Variants in ISM2 observed in about 807,000 individuals in gnomAD.
ISM2 encodes the protein isthmin-2.
In ISM2, 50 loss-of-function variants were observed where a neutral mutation model predicts 58.0. The ratio of observed to expected loss-of-function variants is 0.86; its 90% CI spans 0.69 to 1.09. ISM2 has a LOEUF of 1.09. Ranked by LOEUF, ISM2 falls within the 50% of genes least tolerant of loss-of-function variation. The pLI, the probability that ISM2 is intolerant of heterozygous loss-of-function variation, is 0.00. For synonymous variants in ISM2, 303 were observed against 312.4 expected (o/e 0.97, Z 0.32); for missense variants, 723 against 745.0 (o/e 0.97, Z 0.34).
At chr14:77,498,488 G>A (rs2079262291) in intron 1 of ISM2, 165 bp downstream of exon 1, 1 of 1,212,260 alleles carries the variant, frequency 8.2e-7, no homozygotes, top group East Asian at 2.7e-5. Context: ...GCGCACCTGG[G>A]CAACGCCCGG....
At chr14:77,487,774 G>A (rs1006233273) in intron 1 of ISM2, among the ~76,000 whole-genome samples, 1 of 152,178 alleles carries the variant, frequency 6.6e-6, no homozygotes, top group African/African-American at 2.4e-5. Context: ...AGAGGGTAGG[G>A]GAGCGAGACA....
At chr14:77,493,652 G>T (rs779374539) in intron 1 of ISM2, among the ~76,000 whole-genome samples, 21 of 151,604 alleles carry the variant, frequency 1.4e-4, no homozygotes, top group Non-Finnish European at 2.9e-4. Context: ...AGTGGAGATG[G>T]GGTGTCTCCA....
At chr14:77,483,076 C>T (rs1033684983) in intron 3 of ISM2, among the ~76,000 whole-genome samples, 2 of 152,208 alleles carry the variant, frequency 1.3e-5, no homozygotes, top group Non-Finnish European at 2.9e-5. Context: ...GGGCTGGAAG[C>T]TGAGTGCTCC....
chr14:77,495,066 G>T (rs546414819), intron 1 of ISM2, among the ~76,000 whole-genome samples: 55 of 151,806 alleles, frequency 3.6e-4, no homozygotes, highest in Non-Finnish European at 7.7e-4. Flanking sequence ...TGTATTTTTT[G>T]GGGGGTAGAG....
rs1458962824 is a variant in ISM2 at position 77,498,636 on chromosome 14, G to A, written c.141+17C>T. ...GACCGACAGCGCGCTCCGCAGCCCG[G>A]TGCCGCCGCCACTCACCTCTGCGAG... On this transcript the variant is annotated intron_variant, in intron 1 of 6. Coordinates refer to ENST00000342219, the MANE Select transcript of ISM2 (RefSeq NM_199296.3). The A allele has an allele frequency of 1.4e-6, 2 of 1,441,470 alleles. No individual in the cohort carries two copies. The highest frequency in any genetic ancestry group is 1.5e-5 in the African/African-American group (1 of 67,008). The allele number at this position is 1,441,470 out of a possible 1,614,324, so 89.3% of individuals were successfully genotyped here. A position where few individuals can be genotyped will look rare whatever the true frequency, so the allele number is the denominator to read the frequency against.
intron 6 of ISM2, among the ~76,000 whole-genome samples, chr14:77,477,882 T>C (rs1313364413): frequency 6.6e-6 from 1 of 152,192 alleles, no homozygotes; most frequent in Non-Finnish European, 1.5e-5. Flanking sequence ...CTGACTGCAC[T>C]GCATCCCCCT....
chr14:77,483,390 T>C (rs1308238957), intron 3 of ISM2, among the ~76,000 whole-genome samples: 2 of 152,052 alleles, frequency 1.3e-5, no homozygotes, highest in African/African-American at 4.8e-5. Context: ...AAACCCCGTC[T>C]CTACTAAAAA....
rs769643641 is a variant in ISM2, at chr14:77,475,428, A to G, written c.*167T>C. The G allele has an allele frequency of 1.3e-5, 8 of 618,968 alleles. No homozygotes were observed. The highest frequency in any genetic ancestry group is 2.2e-5 in the Non-Finnish European group (8 of 369,618). The allele number at this position is 618,968 out of a possible 1,614,324, so 38.3% of individuals were successfully genotyped here. On this transcript the variant is annotated 3_prime_UTR_variant, in exon 7 of 7. Coordinates refer to ENST00000342219, the MANE Select transcript of ISM2 (RefSeq NM_199296.3). The surrounding 1 kb of genome is among the most constrained non-coding windows in gnomAD (Gnocchi z 4.1). The stretch of plus-strand genomic sequence containing the variant: ...CAACCTTCTCACTAACCCCACTGAG[A>G]TATCTGCTTCGGGGTCGCTGGCAGA...
Position 77,475,490 on chromosome 14 carries a change from C to T in ISM2, c.*105G>A. On this transcript the variant is annotated 3_prime_UTR_variant, in exon 7 of 7. Coordinates refer to ENST00000342219, the MANE Select transcript of ISM2 (RefSeq NM_199296.3). This position sits in a 1 kb window ranked among gnomAD's most constrained non-coding sequence, Gnocchi z 4.1. ...CTCGGACCAACCTCACTGGGGGAGCCCTTTCCTCACCCTGTCTGGGCAGGG... is the reference window on the plus strand; with the variant it reads ...CTCGGACCAACCTCACTGGGGGAGCTCTTTCCTCACCCTGTCTGGGCAGGG... 4 of 1,265,716 alleles carry T rather than the reference C, an allele frequency of 3.2e-6. No homozygotes were observed. The highest frequency in any genetic ancestry group is 4.4e-6 in the Non-Finnish European group (4 of 918,444). The allele number at this position is 1,265,716 out of a possible 1,614,324, so 78.4% of individuals were successfully genotyped here.
intron 1 of ISM2, among the ~76,000 whole-genome samples, chr14:77,496,506 G>A (rs556375299): frequency 5.3e-5 from 8 of 151,608 alleles, no homozygotes; most frequent in South Asian, 2.1e-4. Flanking sequence ...AAAAATAGCC[G>A]GGCGTGGCGG....
chr14:77,485,585 C>A (rs1468589844), intron 1 of ISM2, among the ~76,000 whole-genome samples: 1 of 152,270 alleles, frequency 6.6e-6, no homozygotes, highest in Non-Finnish European at 1.5e-5. Context: ...AAGTGAAAAG[C>A]AGATCCATGT....
At chr14:77,480,441 C>T (rs555786535) in intron 4 of ISM2, among the ~76,000 whole-genome samples, 112 of 152,226 alleles carry the variant, frequency 7.4e-4, no homozygotes, top group African/African-American at 2.6e-3. Context: ...TGTGAAACCC[C>T]CAAAATACTG....
At chr14:77,484,266 T>C (rs2079151516) in intron 3 of ISM2, 57 bp downstream of exon 3, 1 of 1,578,398 alleles carries the variant, frequency 6.3e-7, no homozygotes, top group Admixed American at 1.8e-5. Flanking sequence ...GCCCACCTTG[T>C]CAGCCCCGCT....
At position 77,497,537 on chromosome 14, in the gene ISM2, A is replaced by T. The variant is rs908019075; in HGVS notation, c.141+1116T>A. 4.4e-4 allele frequency among the ~76,000 whole-genome samples: 67 copies of T among 150,658 alleles called. 1 individual carries two copies. Among genetic ancestry groups the T allele is most frequent in the Admixed American group, 9.3e-4 (14 of 15,034 alleles). On this transcript the variant is annotated intron_variant, in intron 1 of 6. Transcript: ENST00000342219. ...CCCCCATCTCTACAAAATAAAAAAT[A>T]AAAAAAATTAGCCAGGTGTGGTGGT...
rs2079092318 is a variant in ISM2 at position 77,475,665 on chromosome 14, C to CGTTGTGGG, written c.1645_1646insCCCACAAC (p.Gly549AlafsTer17). The CGTTGTGGG allele has an allele frequency of 2.5e-6, 4 of 1,613,524 alleles. No homozygotes were observed. The highest frequency in any genetic ancestry group is 1.7e-6 in the Non-Finnish European group (2 of 1,179,712). On this transcript the variant is annotated frameshift_variant, in exon 7 of 7. Coordinates refer to ENST00000342219, the MANE Select transcript of ISM2 (RefSeq NM_199296.3). LOFTEE classifies it high-confidence loss of function. This position sits in a 1 kb window ranked among gnomAD's most constrained non-coding sequence, Gnocchi z 4.1. ...CAGGGGGTTGTCGGTGCAGGCTCGG[C>CGTTGTGGG]CGTTGTTGGGAGGGAGCACAGCGTG...
chr14:77,493,864 C>T (rs1452186536), intron 1 of ISM2, among the ~76,000 whole-genome samples: 19 of 151,180 alleles, frequency 1.3e-4, no homozygotes, highest in Admixed American at 1.1e-3. Context: ...CTCGGTCTCC[C>T]GGGTTCACGC....
At chr14:77,497,049 A>G (rs1023482815) in intron 1 of ISM2, among the ~76,000 whole-genome samples, 2 of 151,286 alleles carry the variant, frequency 1.3e-5, no homozygotes, top group Admixed American at 6.6e-5. Flanking sequence ...GCATGCCTAT[A>G]TGGACCCTCA....
rs928335560 is a variant in ISM2 at position 77,474,831 on chromosome 14, C to T, written c.*764G>A. The T allele has an allele frequency of 1.0e-4, 16 of 152,440 alleles. No individual in the cohort carries two copies. The highest frequency in any genetic ancestry group is 4.6e-4 in the Admixed American group (7 of 15,308). 9.4% of individuals were successfully genotyped at this position (152,440 alleles called of 1,614,324 possible). A position where few individuals can be genotyped will look rare whatever the true frequency, so the allele number is the denominator to read the frequency against. On this transcript the variant is annotated 3_prime_UTR_variant, in exon 7 of 7. Coordinates refer to ENST00000342219, the MANE Select transcript of ISM2 (RefSeq NM_199296.3). ...TGTGACAAGCTGTCACCTCCCCACT[C>T]GGGGGGAGTGCCAACTCCCAGCCCT...
intron 5 of ISM2, 38 bp from the exon 6 acceptor site, chr14:77,478,363 G>A (rs755770045): frequency 6.4e-7 from 1 of 1,563,582 alleles, no homozygotes; most frequent in Non-Finnish European, 8.8e-7. Context: ...TGGCTCCGCA[G>A]GCCACCTCAG....
Sources: gnomAD v4.1 joint callset for allele counts (sites outside exome capture counted in the v4.1 genomes callset) on GRCh38, gnomAD v4.1.1 for gene constraint, Gnocchi (gnomAD v3.1) non-coding constraint, MANE v1.5 for transcripts, NCBI Gene and HGNC (gene_info 2026-07-23, HGNC 2026-07-21) for gene names.